Variants in BNIP3L observed in about 807,000 individuals in gnomAD.
The protein encoded by BNIP3L is BCL2 interacting protein 3 like, also known as BCL2/adenovirus E1B 19 kDa protein-interacting protein 3-like.
BNIP3L carries 10 observed loss-of-function variants against 25.5 expected under a neutral mutation model. The observed-to-expected ratio is 0.39, with a 90% CI of 0.24 to 0.67. BNIP3L has a LOEUF of 0.67. Ranked by LOEUF, BNIP3L falls within the 30% of genes least tolerant of loss-of-function variation. The probability of loss-of-function intolerance (pLI) is 0.45; values close to 1 mark genes in which losing one functional copy is unlikely to be tolerated. For missense variants in BNIP3L, 215 were observed against 270.9 expected, an observed-to-expected ratio of 0.79 and a Z score of 1.45; for synonymous variants, 113 against 101.2, an observed-to-expected ratio of 1.12 and a Z score of -0.70.
intron 3 of BNIP3L, among the ~76,000 whole-genome samples, chr8:26,405,028 A>G (rs917690164): frequency 1.3e-5 from 2 of 152,216 alleles, no homozygotes; most frequent in Non-Finnish European, 2.9e-5. Flanking sequence ...AAAGTATTGT[A>G]AGTTGGGAAA....
intron 1 of BNIP3L, among the ~76,000 whole-genome samples, chr8:26,386,872 CT>C (rs1806004084): frequency 6.6e-6 from 1 of 152,166 alleles, no homozygotes. Context: ...AAAAGACCAA[CT>C]TTTCAAAAAT....
At chr8:26,403,258 T>A (rs541453315) in intron 3 of BNIP3L, among the ~76,000 whole-genome samples, 2 of 152,200 alleles carry the variant, frequency 1.3e-5, no homozygotes, top group Non-Finnish European at 1.5e-5. Flanking sequence ...GTTTAAACTT[T>A]CAAAAACCTT....
intron 2 of BNIP3L, among the ~76,000 whole-genome samples, 185 bp from the exon 3 acceptor site, chr8:26,395,045 A>G (rs1806202678): frequency 6.6e-6 from 1 of 152,234 alleles, no homozygotes; most frequent in African/African-American, 2.4e-5. Flanking sequence ...GGGAGTAAGA[A>G]TGCTCAATTT....
Position 26,407,938 on chromosome 8 carries a change from T to C in BNIP3L, c.358-62T>C, listed in dbSNP as rs539804286. 2.8e-6 allele frequency: 4 copies of C among 1,432,488 alleles called. No homozygotes were observed. In the African/African-American group the frequency reaches 4.3e-5, roughly 15 times the overall value. The allele number at this position is 1,432,488 out of a possible 1,614,324, so 88.7% of individuals were successfully genotyped here. A position where few individuals can be genotyped will look rare whatever the true frequency, so the allele number is the denominator to read the frequency against. ...TTTGGTATCTTTTCTGTCTAGATTT[T>C]TCTTTGTATTAGGAGGAATTGGTCT... On this transcript the variant is annotated intron_variant, in intron 3 of 5. Coordinates refer to ENST00000380629, the MANE Select transcript of BNIP3L (RefSeq NM_004331.3).
chr8:26,390,877 T>G (rs1175806895), intron 1 of BNIP3L, among the ~76,000 whole-genome samples: 1 of 152,208 alleles, frequency 6.6e-6, no homozygotes, highest in Non-Finnish European at 1.5e-5. Flanking sequence ...TGTGTATATA[T>G]ACACCAACTA....
Position 26,407,841 on chromosome 8 carries a change from C to G in BNIP3L, c.358-159C>G, listed in dbSNP as rs182664452. Among the ~76,000 whole-genome samples the G allele has an allele frequency of 1.7e-3, 255 of 152,310 alleles. 2 individuals are homozygous for G. The highest frequency in any genetic ancestry group is 6.0e-3 in the African/African-American group (249 of 41,578). ...GAAGATATTACATACTCTGATCTTA[C>G]ATTATTTTTCAGCATTTTTTAGAAA... On this transcript the variant is annotated intron_variant, in intron 3 of 5. Coordinates refer to ENST00000380629, the MANE Select transcript of BNIP3L (RefSeq NM_004331.3).
intron 3 of BNIP3L, among the ~76,000 whole-genome samples, chr8:26,403,225 T>C (rs1806430695): frequency 6.6e-6 from 1 of 152,182 alleles, no homozygotes; most frequent in African/African-American, 2.4e-5. Flanking sequence ...TAGGACTTAA[T>C]AAGGGAGCTG....
rs138001749 is a variant in BNIP3L at position 26,408,152 on chromosome 8, G to T, written c.461+49G>T. ...CAGTGGACACAGTTGATCTGCGCAC[G>T]CTTACAGGCAATGGGCCTGGTAATC... On this transcript the variant is annotated intron_variant, in intron 4 of 5. Transcript: ENST00000380629. 9.4e-5 allele frequency: 151 copies of T among 1,610,980 alleles called. 3 individuals are homozygous for T. The South Asian group carries it at 1.6e-3, about 17-fold the overall frequency.
rs1482933156 is a variant in BNIP3L, at chr8:26,411,407, C to T, written c.*995C>T. ...TCACCTATACTCTGAAGCCTTTAAACTCTGAAGAGAATTGTTTCAGAGTTA... is the reference window on the plus strand; with the variant it reads ...TCACCTATACTCTGAAGCCTTTAAATTCTGAAGAGAATTGTTTCAGAGTTA... On this transcript the variant is annotated 3_prime_UTR_variant, in exon 6 of 6. Transcript: ENST00000380629. 1 of 152,150 alleles carries T rather than the reference C, an allele frequency of 6.6e-6. No homozygotes were observed. Among genetic ancestry groups the T allele is most frequent in the Non-Finnish European group, 1.5e-5 (1 of 68,030 alleles). The allele number at this position is 152,150 out of a possible 1,614,324, so 9.4% of individuals were successfully genotyped here.
intron 1 of BNIP3L, among the ~76,000 whole-genome samples, chr8:26,389,362 G>A (rs1213789173): frequency 1.3e-5 from 2 of 151,690 alleles, no homozygotes; most frequent in South Asian, 2.1e-4. Context: ...TGCTTTTGGC[G>A]TATTTCTTAT....
At chr8:26,386,867 A>AC (rs1217837921) in intron 1 of BNIP3L, among the ~76,000 whole-genome samples, 3 of 152,216 alleles carry the variant, frequency 2.0e-5, no homozygotes, top group African/African-American at 7.2e-5. Flanking sequence ...CTGCAAAAAG[A>AC]CCAACTTTTC....
chr8:26,402,840 T>C (rs1806418452), intron 3 of BNIP3L, among the ~76,000 whole-genome samples: 1 of 152,234 alleles, frequency 6.6e-6, no homozygotes, highest in Non-Finnish European at 1.5e-5. Flanking sequence ...ACTTTCTTCC[T>C]CTTCTCTGCA....
intron 5 of BNIP3L, among the ~76,000 whole-genome samples, chr8:26,409,967 G>A (rs893569638): frequency 6.6e-6 from 1 of 151,914 alleles, no homozygotes; most frequent in Non-Finnish European, 1.5e-5. Context: ...CCTACATAGA[G>A]CACCAGAATA....
intron 3 of BNIP3L, chr8:26,395,783 G>T (rs944742649): frequency 6.5e-6 from 1 of 154,600 alleles, no homozygotes; most frequent in Non-Finnish European, 1.4e-5. Context: ...TGCGCGAGCC[G>T]AAGCAGGGCG....
rs376328957 is a variant in BNIP3L at position 26,410,345 on chromosome 8, T to C, written c.612-19T>C. 1.9e-6 allele frequency: 3 copies of C among 1,613,964 alleles called. No homozygotes were observed. The highest frequency in any genetic ancestry group is 2.7e-5 in the African/African-American group (2 of 74,908). Reference sequence around the variant, plus strand: ...AACTGTTGAAACAGGTGAAACATGATGCTTCTGCTTCCTTTCAGCATCTAT... The same window carrying C: ...AACTGTTGAAACAGGTGAAACATGACGCTTCTGCTTCCTTTCAGCATCTAT... On this transcript the variant is annotated intron_variant, in intron 5 of 5. Coordinates refer to ENST00000380629, the MANE Select transcript of BNIP3L (RefSeq NM_004331.3).
At chr8:26,395,562 G>A (rs916891189) in intron 3 of BNIP3L, 2 of 406,396 alleles carry the variant, frequency 4.9e-6, no homozygotes, top group African/African-American at 4.1e-5. Context: ...CTAGTTTCTT[G>A]AGTGTATAAG....
At chr8:26,405,931 TA>T (rs1192648514) in intron 3 of BNIP3L, among the ~76,000 whole-genome samples, 16 of 152,118 alleles carry the variant, frequency 1.1e-4, no homozygotes, top group Non-Finnish European at 1.8e-4. Context: ...TAATCCCAGC[TA>T]CTCTGGAAGC....
In BNIP3L at chr8:26,383,194, A is replaced by C. The variant is rs1563335857; in HGVS notation, c.64A>C (p.Asn22His). 1 of 1,612,466 alleles carries C rather than the reference A, an allele frequency of 6.2e-7. No individual in the cohort carries two copies. Residue 22 changes from asparagine to histidine, a missense_variant, in exon 1 of 6, where the codon AAT becomes CAT. Asn to His is a moderately conservative substitution (Grantham distance 68). Around this residue, in one of 4 missense-constraint regions of BNIP3L, gnomAD observed 69 missense variants for 53.6 expected, o/e 1.29. Coordinates refer to ENST00000380629, the MANE Select transcript of BNIP3L (RefSeq NM_004331.3). ...LHNNNNNCEE[N>H]EQSLPPPAGL... ...CAACAACAACAACAACTGCGAGGAA[A>C]ATGAGCAGTCTCTGCCCCCGCCGGC...
chr8:26,405,783 C>G (rs1314981926), intron 3 of BNIP3L, among the ~76,000 whole-genome samples: 1 of 152,232 alleles, frequency 6.6e-6, no homozygotes, highest in Non-Finnish European at 1.5e-5. Flanking sequence ...TGGCTCACGC[C>G]TGTAATCTCA....
Sources: allele counts gnomAD v4.1 joint callset (sites outside exome capture counted in the v4.1 genomes callset), GRCh38; gene constraint gnomAD v4.1.1; regional missense constraint gnomAD v4.1.1; transcripts MANE v1.5; gene names NCBI Gene and HGNC (gene_info 2026-07-23, HGNC 2026-07-21).